UBE2L5: variants seen among roughly 807,000 people sequenced by gnomAD.
UBE2L5 encodes the protein ubiquitin-conjugating enzyme E2 L5.
In UBE2L5, 3 loss-of-function variants were observed where a neutral mutation model predicts 10.0. The ratio of observed to expected loss-of-function variants is 0.30; its 90% CI spans 0.14 to 0.78. The LOEUF (loss-of-function observed/expected upper bound fraction) is 0.78. Among genes scored for constraint, UBE2L5 ranks in the 30% least tolerant of loss-of-function variants. The pLI, the probability that UBE2L5 is intolerant of heterozygous loss-of-function variation, is 0.65. For missense variants in UBE2L5, 131 were observed against 193.3 expected (o/e 0.68, Z 1.91); for synonymous variants, 60 against 71.9 (o/e 0.83, Z 0.83).
chr13:30,426,217 A>G (rs1317861678), intron 2 of UBE2L5, among the ~76,000 whole-genome samples: 1 of 152,194 alleles, frequency 6.6e-6, no homozygotes, highest in Non-Finnish European at 1.5e-5. Context: ...AGGCTAAGGC[A>G]GGAGAATCGC....
chr13:30,422,818 C>T (rs1270914082), intron 1 of UBE2L5, 141 bp downstream of exon 1: 1 of 152,122 alleles, frequency 6.6e-6, no homozygotes, highest in African/African-American at 2.4e-5. Flanking sequence ...CTTGGTGACA[C>T]GTAATAAATG....
chr13:30,427,847 C>A lies in UBE2L5; in HGVS notation c.-144C>A, dbSNP rs572373578. The A allele has an allele frequency of 1.0e-5, 7 of 697,090 alleles. No homozygotes were observed. The highest frequency in any genetic ancestry group is 4.3e-5 in the Admixed American group (2 of 46,042). 43.2% of individuals were successfully genotyped at this position (697,090 alleles called of 1,614,324 possible). ...ATGTATAGGATTGTGGATGATCACT[C>A]TAACCAACCAGTGGGCAAGTTGCTT... On this transcript the variant is annotated 5_prime_UTR_variant, in exon 4 of 4. Coordinates refer to ENST00000635918, the MANE Select transcript of UBE2L5 (RefSeq NM_001355247.2).
In UBE2L5 at chr13:30,429,694, T is replaced by G. The variant is rs1391503675; in HGVS notation, c.*1239T>G. On this transcript the variant is annotated 3_prime_UTR_variant, in exon 4 of 4. Coordinates refer to ENST00000635918, the MANE Select transcript of UBE2L5 (RefSeq NM_001355247.2). ...GAAATAATTTTTAGAAATTGAGCTGTTAAAGGTTGTGTTTGCACATGTTTT... is the reference window on the plus strand; with the variant it reads ...GAAATAATTTTTAGAAATTGAGCTGGTAAAGGTTGTGTTTGCACATGTTTT... Among the ~76,000 whole-genome samples the G allele has an allele frequency of 6.6e-6, 1 of 152,230 alleles. No individual in the cohort carries two copies. Among genetic ancestry groups the G allele is most frequent in the African/African-American group, 2.4e-5 (1 of 41,456 alleles).
At position 30,428,326 on chromosome 13, in the gene UBE2L5, G is replaced by C; in HGVS notation, c.336G>C (p.Val112=). Reference sequence around the variant, plus strand: ...TAATCCAGTCCCTCATAGCACTGGTGAATGACCCGCAGCCCGAGCACCCGC... The same window carrying C: ...TAATCCAGTCCCTCATAGCACTGGTCAATGACCCGCAGCCCGAGCACCCGC... ...DQVIQSLIAL[V]NDPQPEHPLR... is the part of the protein sequence containing the mutation. Residue 112 remains valine (V), a synonymous_variant, in exon 4 of 4, where the codon GTG becomes GTC. Coordinates refer to ENST00000635918, the MANE Select transcript of UBE2L5 (RefSeq NM_001355247.2). The C allele has an allele frequency of 6.2e-7, 1 of 1,609,714 alleles. No individual in the cohort carries two copies. The highest frequency in any genetic ancestry group is 1.7e-5 in the Admixed American group (1 of 59,214).
rs1470091897 is a variant in UBE2L5 at position 30,428,745 on chromosome 13, C to G, written c.*290C>G. 3 of 316,248 alleles carry G rather than the reference C, an allele frequency of 9.5e-6. No individual in the cohort carries two copies. The highest frequency in any genetic ancestry group is 1.7e-5 in the Non-Finnish European group (3 of 178,268). The allele number at this position is 316,248 out of a possible 1,614,324, so 19.6% of individuals were successfully genotyped here. On this transcript the variant is annotated 3_prime_UTR_variant, in exon 4 of 4. Transcript: ENST00000635918. ...AAAACATAAAATCTGGCTACCCTAA[C>G]GGGATAAGAGTTCAGACATCAGGAT... is the stretch of plus-strand genomic sequence containing the variant.
intron 2 of UBE2L5, among the ~76,000 whole-genome samples, chr13:30,426,146 A>C (rs1172841084): frequency 6.6e-6 from 1 of 151,386 alleles, no homozygotes; most frequent in African/African-American, 2.4e-5. Context: ...CCCCATCTCT[A>C]CTAAAAATAC....
In UBE2L5 at chr13:30,428,321, C is replaced by T. The variant is rs535284157; in HGVS notation, c.331C>T (p.Leu111=). 5.6e-6 allele frequency: 9 copies of T among 1,609,814 alleles called. No homozygotes were observed. The East Asian group carries it at 1.8e-4, about 32-fold the overall frequency. Residue 111 remains leucine (L), a synonymous_variant, in exon 4 of 4, where the codon CTG becomes TTG. Transcript: ENST00000635918. ...TDQVIQSLIA[L]VNDPQPEHPL... ...CCAAGTAATCCAGTCCCTCATAGCA[C>T]TGGTGAATGACCCGCAGCCCGAGCA...
At chr13:30,426,336 T>G (rs1411460489) in intron 2 of UBE2L5, among the ~76,000 whole-genome samples, 1 of 151,770 alleles carries the variant, frequency 6.6e-6, no homozygotes, top group East Asian at 1.9e-4. Context: ...AGAAAAAGTA[T>G]GGATGCGAGT....
chr13:30,427,633 C>G lies in UBE2L5; in HGVS notation c.-358C>G. On this transcript the variant is annotated 5_prime_UTR_variant, in exon 4 of 4. Coordinates refer to ENST00000635918, the MANE Select transcript of UBE2L5 (RefSeq NM_001355247.2). ...AGGCCAACATGGTGAAACCTCGTCTCTACTAAAAATACAAAAAAAAGTTAG... is the reference window on the plus strand; with the variant it reads ...AGGCCAACATGGTGAAACCTCGTCTGTACTAAAAATACAAAAAAAAGTTAG... 1 of 235,144 alleles carries G rather than the reference C, an allele frequency of 4.3e-6. No individual in the cohort carries two copies. The highest frequency in any genetic ancestry group is 8.2e-6 in the Non-Finnish European group (1 of 121,864). 14.6% of individuals were successfully genotyped at this position (235,144 alleles called of 1,614,324 possible).
At position 30,428,987 on chromosome 13, in the gene UBE2L5, CG is replaced by C. The variant is rs1355498821; in HGVS notation, c.*533del. 2.6e-5 allele frequency among the ~76,000 whole-genome samples: 4 copies of C among 151,340 alleles called. No homozygotes were observed. The highest frequency in any genetic ancestry group is 2.9e-5 in the Non-Finnish European group (2 of 67,930). Reference sequence around the variant, plus strand: ...ACTGACATTTAGATTGAAATACCTGCGAGCCGGGTTTGGTGGCTCACACCTG... The same window carrying C: ...ACTGACATTTAGATTGAAATACCTGCAGCCGGGTTTGGTGGCTCACACCTG... On this transcript the variant is annotated 3_prime_UTR_variant, in exon 4 of 4. Coordinates refer to ENST00000635918, the MANE Select transcript of UBE2L5 (RefSeq NM_001355247.2).
At chr13:30,423,686 A>G (rs1200003621) in intron 1 of UBE2L5, among the ~76,000 whole-genome samples, 2 of 152,258 alleles carry the variant, frequency 1.3e-5, no homozygotes, top group Non-Finnish European at 1.5e-5. Context: ...AGAATGAGGC[A>G]TCCTTACGGT....
Position 30,422,581 on chromosome 13 carries a change from CAT to C in UBE2L5, c.-873_-872del, listed in dbSNP as rs1885479478. Reference sequence around the variant, plus strand: ...CAGTGGAAAACTACAATTAAAAAAACATAGCCGTGAAAATAAATGAGATTAGA... The same window carrying C: ...CAGTGGAAAACTACAATTAAAAAAACAGCCGTGAAAATAAATGAGATTAGA... On this transcript the variant is annotated 5_prime_UTR_variant, in exon 1 of 4. Transcript: ENST00000635918. 1 of 152,202 alleles carries C rather than the reference CAT, an allele frequency of 6.6e-6. No individual in the cohort carries two copies. The highest frequency in any genetic ancestry group is 6.5e-5 in the Admixed American group (1 of 15,286). 9.4% of individuals were successfully genotyped at this position (152,202 alleles called of 1,614,324 possible).
chr13:30,427,635 AC>A lies in UBE2L5; in HGVS notation c.-355del, dbSNP rs1885556977. On this transcript the variant is annotated 5_prime_UTR_variant, in exon 4 of 4. The change abolishes the stop of an existing upstream ORF in the 5' untranslated region. Coordinates refer to ENST00000635918, the MANE Select transcript of UBE2L5 (RefSeq NM_001355247.2). ...GCCAACATGGTGAAACCTCGTCTCT[AC>A]TAAAAATACAAAAAAAAGTTAGCTG... 4.2e-6 allele frequency: 1 copy of A among 236,974 alleles called. No individual in the cohort carries two copies. The highest frequency in any genetic ancestry group is 8.1e-6 in the Non-Finnish European group (1 of 123,056). The allele number at this position is 236,974 out of a possible 1,614,324, so 14.7% of individuals were successfully genotyped here.
chr13:30,423,832 G>A (rs1885501299), intron 1 of UBE2L5, among the ~76,000 whole-genome samples: 1 of 152,208 alleles, frequency 6.6e-6, no homozygotes, highest in African/African-American at 2.4e-5. Context: ...ATAGTGGTAG[G>A]GATATACCTT....
intron 1 of UBE2L5, among the ~76,000 whole-genome samples, chr13:30,423,790 T>C (rs1213975780): frequency 6.6e-6 from 1 of 152,234 alleles, no homozygotes; most frequent in African/African-American, 2.4e-5. Flanking sequence ...TGAAAGACGA[T>C]GCAATGCATG....
rs1885566365 is a variant in UBE2L5 at position 30,428,114 on chromosome 13, G to A, written c.124G>A (p.Asp42Asn). ...GACTTGGCAAGGGCTTATTGTTCCTGACAACCCTCCGTATAATAAGGGGGC... is the reference window on the plus strand; with the variant it reads ...GACTTGGCAAGGGCTTATTGTTCCTAACAACCCTCCGTATAATAAGGGGGC... ...LLTWQGLIVPDNPPYNKGAFR... is the reference protein window; with the variant it reads ...LLTWQGLIVPNNPPYNKGAFR... The change falls in exon 4 of 4, where the codon GAC (aspartate) becomes AAC (asparagine). Residue 42 changes from aspartate (D) to asparagine (N), a missense_variant. Transcript: ENST00000635918. 7 of 1,610,058 alleles carry A rather than the reference G, an allele frequency of 4.3e-6. No individual in the cohort carries two copies. The Admixed American group carries it at 6.7e-5, about 15-fold the overall frequency.
Position 30,429,239 on chromosome 13 carries a change from T to A in UBE2L5, c.*784T>A, listed in dbSNP as rs954081289. Among the ~76,000 whole-genome samples, 3 of 151,954 alleles carry A rather than the reference T, an allele frequency of 2.0e-5. No homozygotes were observed. The highest frequency in any genetic ancestry group is 7.3e-5 in the African/African-American group (3 of 41,346). ...GGCAGAGGCTGCAGTGAGCCCAGAT[T>A]GCGCCATTGCACTCCAGCCTGGGCA... On this transcript the variant is annotated 3_prime_UTR_variant, in exon 4 of 4. Coordinates refer to ENST00000635918, the MANE Select transcript of UBE2L5 (RefSeq NM_001355247.2).
At chr13:30,424,267 G>C (rs1885508446) in intron 1 of UBE2L5, among the ~76,000 whole-genome samples, 1 of 152,158 alleles carries the variant, frequency 6.6e-6, no homozygotes, top group South Asian at 2.1e-4. Context: ...AATTAGTCCT[G>C]GTTCAGACAA....
rs3803274 is a variant in UBE2L5 at position 30,429,447 on chromosome 13, T to C, written c.*992T>C. Among the ~76,000 whole-genome samples the C allele has an allele frequency of 9.3e-4, 142 of 152,280 alleles. 2 individuals carry two copies. The East Asian group carries it at 0.025, about 27-fold the overall frequency. On this transcript the variant is annotated 3_prime_UTR_variant, in exon 4 of 4. Transcript: ENST00000635918. The stretch of plus-strand genomic sequence containing the variant: ...AAATTTCACAGACAAAAGAGTAGCT[T>C]TGCCACCTCTCATTTTGGCTGGGCT...
Sources: allele counts gnomAD v4.1 joint callset (sites outside exome capture counted in the v4.1 genomes callset), GRCh38; gene constraint gnomAD v4.1.1; transcripts MANE v1.5; gene names NCBI Gene and HGNC (gene_info 2026-07-23, HGNC 2026-07-21).